Variants in RGS6 observed in about 807,000 individuals in gnomAD.
RGS6 encodes regulator of G protein signaling 6.
A neutral mutation model predicts 78.5 loss-of-function variants in RGS6; 30 were observed. The ratio of observed to expected loss-of-function variants is 0.38; its 90% CI spans 0.29 to 0.52. The LOEUF is 0.52. RGS6 is among the 20% of genes least tolerant of loss of function. The probability of loss-of-function intolerance (pLI) is 0.85; values close to 1 mark genes in which losing one functional copy is unlikely to be tolerated. For missense variants in RGS6, 495 were observed against 609.7 expected, an observed-to-expected ratio of 0.81 and a Z score of 1.98; for synonymous variants, 206 against 206.0, an observed-to-expected ratio of 1.00 and a Z score of 0.00.
intron 13 of RGS6, among the ~76,000 whole-genome samples, chr14:72,496,770 T>C (rs2096650405): frequency 6.6e-6 from 1 of 152,214 alleles, no homozygotes; most frequent in Admixed American, 6.5e-5. Context: ...TGATTTAGTG[T>C]CTATTACTTT....
At chr14:72,387,837 G>C (rs1331679830) in intron 3 of RGS6, among the ~76,000 whole-genome samples, 1 of 152,132 alleles carries the variant, frequency 6.6e-6, no homozygotes, top group Non-Finnish European at 1.5e-5. Flanking sequence ...CAGAATCCAA[G>C]ATCATGGTGG....
intron 17 of RGS6, among the ~76,000 whole-genome samples, chr14:72,557,829 C>G (rs984196562): frequency 6.6e-6 from 1 of 152,088 alleles, no homozygotes; most frequent in Non-Finnish European, 1.5e-5. Context: ...AGTTCTGTTG[C>G]GAGTTCGAAT....
At chr14:72,329,654 T>C (rs1366762931) in intron 2 of RGS6, among the ~76,000 whole-genome samples, 6 of 152,182 alleles carry the variant, frequency 3.9e-5, no homozygotes, top group Admixed American at 6.5e-5. Flanking sequence ...CTGGTAAAGG[T>C]TCATTTAAGC....
the RGS6 span, among the ~76,000 whole-genome samples, chr14:71,895,462 C>T: frequency 6.6e-6 from 1 of 152,216 alleles, no homozygotes; most frequent in Admixed American, 6.5e-5. Context: ...GCTGGGATTA[C>T]AGGCATGAGC....
chr14:72,355,863 G>A (rs1044637943), intron 3 of RGS6, among the ~76,000 whole-genome samples: 1 of 152,136 alleles, frequency 6.6e-6, no homozygotes, highest in African/African-American at 2.4e-5. Context: ...AGTGCCCAAG[G>A]CAAGAGAGTT....
At chr14:72,305,832 C>T (rs978234714) in intron 2 of RGS6, among the ~76,000 whole-genome samples, 4 of 152,158 alleles carry the variant, frequency 2.6e-5, no homozygotes, top group Non-Finnish European at 5.9e-5. Flanking sequence ...AATGACTAAG[C>T]TTGGTGAGGA....
the RGS6 span, among the ~76,000 whole-genome samples, chr14:71,895,164 G>C: frequency 6.6e-6 from 1 of 152,126 alleles, no homozygotes; most frequent in Non-Finnish European, 1.5e-5. Flanking sequence ...AAGGTAGTTA[G>C]ATAATCACTA....
At chr14:71,885,486 G>C in the RGS6 span, among the ~76,000 whole-genome samples, 1 of 152,168 alleles carries the variant, frequency 6.6e-6, no homozygotes, top group Non-Finnish European at 1.5e-5. Context: ...AATTCTCAAA[G>C]GGCAGCTTGC....
the RGS6 span, among the ~76,000 whole-genome samples, chr14:71,873,821 A>G: frequency 6.6e-6 from 1 of 152,314 alleles, no homozygotes; most frequent in Non-Finnish European, 1.5e-5. Context: ...TTTTTGTTTA[A>G]GATGTAAAGA....
the RGS6 span, among the ~76,000 whole-genome samples, chr14:72,607,973 G>A: frequency 6.6e-6 from 1 of 152,202 alleles, no homozygotes; most frequent in Non-Finnish European, 1.5e-5. Flanking sequence ...CTCACTTAGG[G>A]GAGGAATAAA....
the RGS6 span, among the ~76,000 whole-genome samples, chr14:71,877,162 C>T: frequency 6.6e-6 from 1 of 152,138 alleles, no homozygotes; most frequent in Non-Finnish European, 1.5e-5. Flanking sequence ...CTTGGAGTTG[C>T]TCTTCTGGAA....
chr14:72,602,997 A>T, the RGS6 span, among the ~76,000 whole-genome samples: 10 of 152,380 alleles, frequency 6.6e-5, no homozygotes, highest in South Asian at 1.2e-3. Context: ...AAGGATATTT[A>T]TAAACCACCA....
At chr14:71,883,446 A>G in the RGS6 span, among the ~76,000 whole-genome samples, 9 of 152,222 alleles carry the variant, frequency 5.9e-5, no homozygotes, top group South Asian at 6.2e-4. Flanking sequence ...AGCTGCCTCT[A>G]CAGCTCCAGC....
intron 1 of RGS6, among the ~76,000 whole-genome samples, chr14:71,954,070 G>A (rs949269500): frequency 1.4e-5 from 2 of 146,830 alleles, no homozygotes; most frequent in South Asian, 2.2e-4. Flanking sequence ...CTATAGGTAA[G>A]GAATCTGGCT....
At chr14:72,353,985 GCAA>G (rs58772904) in intron 3 of RGS6, among the ~76,000 whole-genome samples, 1 of 149,266 alleles carries the variant, frequency 6.7e-6, no homozygotes, top group East Asian at 2.0e-4. Context: ...CTCTGTCTCA[GCAA>G]CAACAACAAC....
intron 1 of RGS6, among the ~76,000 whole-genome samples, chr14:71,947,321 A>T (rs1342944169): frequency 6.6e-6 from 1 of 152,134 alleles, no homozygotes; most frequent in Non-Finnish European, 1.5e-5. Context: ...TGCCTAGGGT[A>T]TTTAGTGTCA....
intron 3 of RGS6, among the ~76,000 whole-genome samples, chr14:72,374,791 A>G (rs1426663685): frequency 6.6e-6 from 1 of 152,242 alleles, no homozygotes; most frequent in Non-Finnish European, 1.5e-5. Flanking sequence ...TGCCATTTTT[A>G]TAGGTCAAAG....
At chr14:71,978,034 G>A (rs2094232811) in intron 2 of RGS6, among the ~76,000 whole-genome samples, 1 of 151,416 alleles carries the variant, frequency 6.6e-6, no homozygotes. Context: ...AATTGTGAAT[G>A]GAGTTCACTC....
chr14:72,618,935 C>G, the RGS6 span, among the ~76,000 whole-genome samples: 1 of 152,204 alleles, frequency 6.6e-6, no homozygotes, highest in African/African-American at 2.4e-5. Flanking sequence ...AAACACCACA[C>G]TACACACAAG....
Sources: gnomAD v4.1 joint callset for allele counts (sites outside exome capture counted in the v4.1 genomes callset) on GRCh38, gnomAD v4.1.1 for gene constraint, MANE v1.5 for transcripts, NCBI Gene and HGNC (gene_info 2026-07-23, HGNC 2026-07-21) for gene names.